Variants in PDE4B observed in about 807,000 individuals in gnomAD.
PDE4B encodes phosphodiesterase 4B, also known as 3',5'-cyclic-AMP phosphodiesterase 4B.
PDE4B carries 20 observed loss-of-function variants against 82.2 expected under a neutral mutation model. The observed-to-expected ratio is 0.24, with a 90% CI of 0.17 to 0.35. The LOEUF (loss-of-function observed/expected upper bound fraction) is 0.35, where lower values mean the gene tolerates loss of function less well. PDE4B is among the 10% of genes least tolerant of loss of function. The probability of loss-of-function intolerance (pLI) is 1.00; values close to 1 mark genes in which losing one functional copy is unlikely to be tolerated. For missense variants in PDE4B, 655 were observed against 907.2 expected, an observed-to-expected ratio of 0.72 and a Z score of 3.57; for synonymous variants, 320 against 318.9, an observed-to-expected ratio of 1.00 and a Z score of -0.04.
chr1:66,255,843 G>C (rs189083416), intron 4 of PDE4B, among the ~76,000 whole-genome samples: 1 of 152,196 alleles, frequency 6.6e-6, no homozygotes, highest in African/African-American at 2.4e-5. Context: ...TGTATGATTT[G>C]ATATGTCAAC....
intron 7 of PDE4B, among the ~76,000 whole-genome samples, chr1:66,270,309 G>A (rs566687722): frequency 2.7e-4 from 41 of 152,312 alleles, no homozygotes; most frequent in African/African-American, 8.9e-4. Context: ...TAAAACAGAA[G>A]AAGAGGCTTT....
intron 6 of PDE4B, among the ~76,000 whole-genome samples, chr1:66,261,832 G>A (rs1654704562): frequency 6.6e-6 from 1 of 152,154 alleles, no homozygotes; most frequent in African/African-American, 2.4e-5. Context: ...TTGAAAATAT[G>A]GCTTTCATTT....
intron 3 of PDE4B, among the ~76,000 whole-genome samples, chr1:65,920,916 T>C (rs948270265): frequency 6.6e-6 from 1 of 150,554 alleles, no homozygotes; most frequent in Non-Finnish European, 1.5e-5. Flanking sequence ...AGTATGCAGA[T>C]AACTCTGAAT....
chr1:66,202,332 G>A (rs1330618409), intron 3 of PDE4B, among the ~76,000 whole-genome samples: 4 of 152,072 alleles, frequency 2.6e-5, no homozygotes, highest in Admixed American at 6.6e-5. Flanking sequence ...TGTTGATTTG[G>A]GGTGGAGAGT....
intron 3 of PDE4B, among the ~76,000 whole-genome samples, chr1:65,953,758 T>G (rs1649119611): frequency 6.6e-6 from 1 of 152,114 alleles, no homozygotes; most frequent in Non-Finnish European, 1.5e-5. Flanking sequence ...TGTGTACATA[T>G]GTTTTTATAA....
intron 3 of PDE4B, among the ~76,000 whole-genome samples, chr1:65,949,133 C>T (rs918184332): frequency 1.3e-5 from 2 of 152,064 alleles, no homozygotes; most frequent in Admixed American, 1.3e-4. Context: ...CTGCTCTTCT[C>T]AGATCCTATC....
At chr1:66,277,047 A>T (rs1213667654) in intron 7 of PDE4B, among the ~76,000 whole-genome samples, 1 of 152,174 alleles carries the variant, frequency 6.6e-6, no homozygotes, top group Non-Finnish European at 1.5e-5. Flanking sequence ...TATTGTTATC[A>T]TTCTGGGGCC....
intron 7 of PDE4B, among the ~76,000 whole-genome samples, chr1:66,314,301 A>G (rs879182727): frequency 3.9e-5 from 6 of 151,968 alleles, no homozygotes; most frequent in African/African-American, 1.2e-4. Flanking sequence ...CTCTCCCCTC[A>G]TGCCTCACCC....
intron 3 of PDE4B, among the ~76,000 whole-genome samples, chr1:66,124,865 G>T (rs1474872299): frequency 6.6e-6 from 1 of 151,936 alleles, no homozygotes; most frequent in African/African-American, 2.4e-5. Context: ...TGCTCCTTAA[G>T]TGAATTGGCT....
intron 3 of PDE4B, among the ~76,000 whole-genome samples, chr1:65,946,305 T>C (rs1648709993): frequency 6.6e-6 from 1 of 152,018 alleles, no homozygotes; most frequent in East Asian, 1.9e-4. Context: ...CCTGATTTTA[T>C]GATTTGTTGG....
chr1:65,977,910 G>A (rs1412928042), intron 3 of PDE4B, among the ~76,000 whole-genome samples: 4 of 152,064 alleles, frequency 2.6e-5, no homozygotes, highest in Non-Finnish European at 5.9e-5. Context: ...TTAAATGAAT[G>A]TGATAATACT....
At chr1:65,864,093 C>T (rs1219187119) in intron 1 of PDE4B, among the ~76,000 whole-genome samples, 1 of 151,752 alleles carries the variant, frequency 6.6e-6, no homozygotes, top group Non-Finnish European at 1.5e-5. Flanking sequence ...TGTCTTTATA[C>T]CTTATTTCAG....
intron 1 of PDE4B, among the ~76,000 whole-genome samples, chr1:65,809,332 C>CAAAAAA (rs11366228): frequency 4.1e-5 from 3 of 72,514 alleles, no homozygotes; most frequent in Non-Finnish European, 5.0e-5. Flanking sequence ...CTCCATCTCA[C>CAAAAAA]AAAAAAAAAA....
At chr1:65,999,514 T>C (rs116537836) in intron 3 of PDE4B, among the ~76,000 whole-genome samples, 1,535 of 152,302 alleles carry the variant, frequency 0.01, 21 homozygotes, top group African/African-American at 0.035. Context: ...ACACGGTTTC[T>C]CCTTATGTCC....
At chr1:65,973,101 C>A (rs1283633633) in intron 3 of PDE4B, among the ~76,000 whole-genome samples, 1 of 152,094 alleles carries the variant, frequency 6.6e-6, no homozygotes, top group Non-Finnish European at 1.5e-5. Flanking sequence ...GAAAAAAAAT[C>A]AGCTCCAGAA....
chr1:66,359,815 A>C (rs760733785), intron 9 of PDE4B, among the ~76,000 whole-genome samples: 1 of 152,210 alleles, frequency 6.6e-6, no homozygotes, highest in Non-Finnish European at 1.5e-5. Flanking sequence ...TTTCAAACTA[A>C]TATAATATAT....
At chr1:66,158,142 T>A (rs1646537330) in intron 3 of PDE4B, among the ~76,000 whole-genome samples, 1 of 152,106 alleles carries the variant, frequency 6.6e-6, no homozygotes, top group African/African-American at 2.4e-5. Context: ...GCCCTAAAAA[T>A]ATAGGAATTC....
At chr1:66,270,187 G>A (rs1397105941) in intron 7 of PDE4B, among the ~76,000 whole-genome samples, 2 of 152,204 alleles carry the variant, frequency 1.3e-5, no homozygotes, top group African/African-American at 2.4e-5. Flanking sequence ...TTCAACACCA[G>A]TCAATTAGAA....
rs10718019 is a variant in PDE4B at position 66,164,535 on chromosome 1, C to CAAAAAAAAAAAAAAA, written c.282-82912_282-82898dup. ...TGGACAACAGAGAGAGACTCCGTCT[C>CAAAAAAAAAAAAAAA]AAAAAAAAAAAAAAAAAAAAAAAAA... On this transcript the variant is annotated intron_variant, in intron 3 of 16. Coordinates refer to ENST00000341517, the MANE Select transcript of PDE4B (RefSeq NM_002600.4). 9.3e-4 allele frequency among the ~76,000 whole-genome samples: 45 copies of CAAAAAAAAAAAAAAA among 48,558 alleles called. 1 individual carries two copies. Among genetic ancestry groups the CAAAAAAAAAAAAAAA allele is most frequent in the Admixed American group, 1.4e-3 (4 of 2,794 alleles). The allele number at this position is 48,558 out of a possible 152,430, so 31.9% of individuals were successfully genotyped here.
Sources: gnomAD v4.1 joint callset for allele counts (sites outside exome capture counted in the v4.1 genomes callset) on GRCh38, gnomAD v4.1.1 for gene constraint, MANE v1.5 for transcripts, NCBI Gene and HGNC (gene_info 2026-07-23, HGNC 2026-07-21) for gene names.